The following GSE1 variants were observed in gnomAD, a reference collection of about 807,000 sequenced individuals.
GSE1 encodes the protein genetic suppressor element 1.
Under a neutral mutation model 112.6 loss-of-function variants are expected in GSE1, and 32 were observed. The ratio of observed to expected loss-of-function variants is 0.28; its 90% CI spans 0.21 to 0.38. GSE1 has a LOEUF of 0.38. GSE1 is among the 10% of genes least tolerant of loss of function. The pLI, the probability that GSE1 is intolerant of heterozygous loss-of-function variation, is 1.00. For synonymous variants in GSE1, 1,115 were observed against 735.6 expected (o/e 1.52, Z -8.35); for missense variants, 2,348 against 1,699.2 (o/e 1.38, Z -6.71).
At chr16:85,626,663 A>G (rs1567673829) in intron 1 of GSE1, among the ~76,000 whole-genome samples, 2 of 152,228 alleles carry the variant, frequency 1.3e-5, no homozygotes, top group African/African-American at 4.8e-5. Flanking sequence ...GACCCAGCAG[A>G]AAATTCACCT....
chr16:85,650,024 G>A (rs916133701), intron 3 of GSE1, among the ~76,000 whole-genome samples: 2 of 152,144 alleles, frequency 1.3e-5, no homozygotes, highest in Admixed American at 6.5e-5. Context: ...TTCCTTTCAC[G>A]CCTTCCCTGG....
intron 1 of GSE1, among the ~76,000 whole-genome samples, chr16:85,239,529 T>TA (rs1269042705): frequency 3.3e-5 from 5 of 152,300 alleles, no homozygotes; most frequent in African/African-American, 1.2e-4. Context: ...CTGCAAGCCT[T>TA]TCCTGGAGCC....
chr16:85,504,984 T>C (rs2051489781), intron 2 of GSE1, among the ~76,000 whole-genome samples: 1 of 150,722 alleles, frequency 6.6e-6, no homozygotes, highest in Non-Finnish European at 1.5e-5. Context: ...TTCCCAACCA[T>C]TCTCCTCGTC....
intron 3 of GSE1, among the ~76,000 whole-genome samples, chr16:85,652,359 G>A (rs2051433964): frequency 6.6e-6 from 1 of 152,226 alleles, no homozygotes; most frequent in African/African-American, 2.4e-5. Context: ...GCCAGGCGCT[G>A]GCTCCTCAAT....
chr16:85,290,548 TAC>T (rs2045178589), intron 1 of GSE1, among the ~76,000 whole-genome samples: 1 of 152,222 alleles, frequency 6.6e-6, no homozygotes. Flanking sequence ...TTGTGCAGAT[TAC>T]ACACTGCCCA....
chr16:85,518,598 C>A lies in GSE1; in HGVS notation c.2465-115316C>A, dbSNP rs530176640. ...AGTTGCTCTCTCTGAGATTCAGTTT[C>A]CCCAGCTGTAAAATGGGGACAGCAG... On this transcript the variant is annotated intron_variant, in intron 2 of 2. Coordinates refer to the GSE1 transcript ENST00000637419. Among the ~76,000 whole-genome samples the A allele has an allele frequency of 3.0e-4, 45 of 152,226 alleles. No homozygotes were observed. The South Asian group carries it at 9.3e-3, about 32-fold the overall frequency.
intron 14 of GSE1, among the ~76,000 whole-genome samples, chr16:85,670,253 A>T (rs2053220091): frequency 6.6e-6 from 1 of 152,064 alleles, no homozygotes; most frequent in South Asian, 2.1e-4. Context: ...TTCCTTTTGA[A>T]TTTGTCTGAT....
At chr16:85,669,663 G>T (rs1211581139) in intron 14 of GSE1, among the ~76,000 whole-genome samples, 2 of 152,130 alleles carry the variant, frequency 1.3e-5, no homozygotes, top group Non-Finnish European at 1.5e-5. Context: ...AGGTTTTTTG[G>T]TGTGGTGTTG....
In GSE1 at chr16:85,478,927, C is replaced by CTTTCTTTCTTTCTTTCTTTT. The variant is rs1285190496; in HGVS notation, c.2464+121285_2464+121286insTTCTTTCTTTCTTTCTTTTT. 2.6e-3 allele frequency among the ~76,000 whole-genome samples: 74 copies of CTTTCTTTCTTTCTTTCTTTT among 28,060 alleles called. 6 individuals carry two copies. The highest frequency in any genetic ancestry group is 0.011 in the African/African-American group (70 of 6,534). 18.4% of individuals were successfully genotyped at this position (28,060 alleles called of 152,430 possible). A position where few individuals can be genotyped will look rare whatever the true frequency, so the allele number is the denominator to read the frequency against. On this transcript the variant is annotated intron_variant, in intron 2 of 2. Transcript: ENST00000637419. ...TCTTTCTTTCTTTCTTTCTTTCTTT[C>CTTTCTTTCTTTCTTTCTTTT]TCTTTCTTTCTTTCTTTCTTTTTTT...
intron 2 of GSE1, among the ~76,000 whole-genome samples, chr16:85,436,984 G>A (rs1044789534): frequency 1.3e-5 from 2 of 152,200 alleles, no homozygotes; most frequent in South Asian, 2.1e-4. Context: ...CGTCGAGGTC[G>A]ACGCGGCGGA....
intron 2 of GSE1, among the ~76,000 whole-genome samples, chr16:85,489,145 T>G (rs1484031448): frequency 6.6e-6 from 1 of 152,144 alleles, no homozygotes; most frequent in Admixed American, 6.5e-5. Context: ...GAATGGAATT[T>G]TAATTTTATT....
Position 85,262,916 on chromosome 16 carries a change from G to T in GSE1, c.2283+91109G>T, listed in dbSNP as rs574016957. Among the ~76,000 whole-genome samples, 4 of 152,356 alleles carry T rather than the reference G, an allele frequency of 2.6e-5. No homozygotes were observed. In the South Asian group the frequency reaches 8.3e-4, roughly 32 times the overall value. ...GACTACCGACTGTATGCCAGGCCCCGTTCTAGGCTCAGAGGATAGAGCAGT... is the reference window on the plus strand; with the variant it reads ...GACTACCGACTGTATGCCAGGCCCCTTTCTAGGCTCAGAGGATAGAGCAGT... On this transcript the variant is annotated intron_variant, in intron 1 of 2. Coordinates refer to the GSE1 transcript ENST00000637419.
chr16:85,606,437 G>A (rs1375561009), upstream of GSE1, among the ~76,000 whole-genome samples: 2 of 152,238 alleles, frequency 1.3e-5, no homozygotes, highest in African/African-American at 4.8e-5. Flanking sequence ...CTGGTCAGGT[G>A]CCCTCACACA....
intron 1 of GSE1, among the ~76,000 whole-genome samples, chr16:85,249,759 G>A (rs1052046586): frequency 6.6e-6 from 1 of 152,206 alleles, no homozygotes; most frequent in Non-Finnish European, 1.5e-5. Context: ...GCTTGGAGTC[G>A]GGGCTGCCCC....
At chr16:85,551,253 C>CTTTTTTTTTTTTTT (rs2044900853), upstream of GSE1, among the ~76,000 whole-genome samples, 1 of 152,230 alleles carries the variant, frequency 6.6e-6, no homozygotes, top group Non-Finnish European at 1.5e-5. Context: ...CAGAGACATC[C>CTTTTTTTTTTTTTT]TTTCCTTGGA....
Position 85,656,344 on chromosome 16 carries a change from C to A in GSE1, c.991C>A (p.Leu331Met). 6.2e-7 allele frequency: 1 copy of A among 1,611,574 alleles called. No individual in the cohort carries two copies. Among genetic ancestry groups the A allele is most frequent in the Non-Finnish European group, 8.5e-7 (1 of 1,179,408 alleles). Residue 331 changes from leucine to methionine, a missense_variant and splice_region_variant, in exon 7 of 16, where the codon CTG becomes ATG. Leu to Met is a conservative substitution (Grantham distance 15). Coordinates refer to ENST00000253458, the MANE Select transcript of GSE1 (RefSeq NM_014615.5). ...ERMSGLSAER[L>M]QMDEELRRER... ...CCCAACTCTTTCCATGTGCTGCAGG[C>A]TGCAGATGGACGAGGAGCTAAGGCG... is the stretch of plus-strand genomic sequence containing the variant.
chr16:85,303,875 G>C (rs1306672788), intron 1 of GSE1, among the ~76,000 whole-genome samples: 2 of 152,226 alleles, frequency 1.3e-5, no homozygotes, highest in African/African-American at 4.8e-5. Context: ...TGGCAGTGCC[G>C]CTGCCCCCAG....
intron 2 of GSE1, among the ~76,000 whole-genome samples, chr16:85,518,174 G>C (rs28570089): frequency 6.6e-6 from 1 of 152,072 alleles, no homozygotes; most frequent in Non-Finnish European, 1.5e-5. Flanking sequence ...CCAGACATCT[G>C]TGCCTGCAGG....
intron 1 of GSE1, among the ~76,000 whole-genome samples, chr16:85,301,676 T>C (rs1296964026): frequency 6.6e-6 from 1 of 152,218 alleles, no homozygotes; most frequent in Non-Finnish European, 1.5e-5. Context: ...CTGTGTTTCC[T>C]TTGCCTCTGT....
Sources: allele counts gnomAD v4.1 joint callset (sites outside exome capture counted in the v4.1 genomes callset), GRCh38; gene constraint gnomAD v4.1.1; transcripts MANE v1.5; gene names NCBI Gene and HGNC (gene_info 2026-07-23, HGNC 2026-07-21).